Variants in NCKAP1L observed in about 807,000 individuals in gnomAD.
The protein encoded by NCKAP1L is nck-associated protein 1-like.
In NCKAP1L, 53 loss-of-function variants were observed where a neutral mutation model predicts 139.2. That is an observed-to-expected ratio of 0.38 (90% CI 0.31 to 0.48). NCKAP1L has a LOEUF of 0.48. Among genes scored for constraint, NCKAP1L ranks in the 20% least tolerant of loss-of-function variants. The probability of loss-of-function intolerance (pLI) is 0.98; values close to 1 mark genes in which losing one functional copy is unlikely to be tolerated. For synonymous variants in NCKAP1L, 468 were observed against 499.7 expected, an observed-to-expected ratio of 0.94 and a Z score of 0.85; for missense variants, 1,151 against 1,381.9, an observed-to-expected ratio of 0.83 and a Z score of 2.65.
rs1363236984 is a variant in NCKAP1L, at chr12:54,506,234, C to A, written c.307-1619C>A. On this transcript the variant is annotated intron_variant, in intron 3 of 30. Transcript: ENST00000293373. ...AGAGTTGTTCCATTTTATCTTCCCA[C>A]CAGTAATGTATGAGAGCTTCAGTTT... Among the ~76,000 whole-genome samples the A allele has an allele frequency of 5.3e-5, 8 of 152,084 alleles. No homozygotes were observed. The East Asian group carries it at 1.5e-3, about 29-fold the overall frequency.
At position 54,509,711 on chromosome 12, in the gene NCKAP1L, T is replaced by C; in HGVS notation, c.549T>C (p.Tyr183=). The C allele has an allele frequency of 6.2e-6, 10 of 1,614,220 alleles. No homozygotes were observed. Among genetic ancestry groups the C allele is most frequent in the Non-Finnish European group, 8.5e-6 (10 of 1,180,024 alleles). Residue 183 remains tyrosine (Y), a synonymous_variant, in exon 6 of 31, where the codon TAT becomes TAC. Transcript: ENST00000293373. ...GTCTGGGTCAGATGGTCTTGGAGTA[T>C]GACCACCCTCTGAAGAAGCTGACAG... ...FARLGQMVLE[Y]DHPLKKLTEE...
intron 21 of NCKAP1L, 47 bp from the exon 22 acceptor site, chr12:54,528,200 G>C (rs763518155): frequency 6.2e-7 from 1 of 1,600,028 alleles, no homozygotes; most frequent in Admixed American, 1.7e-5. Flanking sequence ...TGCTGGTAGG[G>C]AGAAGGGATT....
chr12:54,536,716 GAAA>G (rs5798307), intron 28 of NCKAP1L, among the ~76,000 whole-genome samples: 18 of 145,618 alleles, frequency 1.2e-4, no homozygotes, highest in Middle Eastern at 3.6e-3. Context: ...CCCCTACCCT[GAAA>G]AAAAAAAAAA....
rs538848833 is a variant in NCKAP1L at position 54,524,680 on chromosome 12, C to T, written c.2156+724C>T. 3.3e-5 allele frequency among the ~76,000 whole-genome samples: 5 copies of T among 152,108 alleles called. No homozygotes were observed. In the South Asian group the frequency reaches 8.3e-4, roughly 25 times the overall value. On this transcript the variant is annotated intron_variant, in intron 20 of 30. Coordinates refer to ENST00000293373, the MANE Select transcript of NCKAP1L (RefSeq NM_005337.5). ...TAAAAGCTGTTTATACAGCAATATA[C>T]GAAACAAATAAAAACCTCTGCCTCC... is the stretch of plus-strand genomic sequence containing the variant.
chr12:54,502,742 T>G (rs1956809109), intron 3 of NCKAP1L, among the ~76,000 whole-genome samples: 1 of 144,498 alleles, frequency 6.9e-6, no homozygotes, highest in Non-Finnish European at 1.5e-5. Flanking sequence ...ATCCCAACAC[T>G]TTGGGAGGCT....
intron 20 of NCKAP1L, among the ~76,000 whole-genome samples, chr12:54,525,967 C>T (rs1356946434): frequency 6.6e-6 from 1 of 152,044 alleles, no homozygotes; most frequent in African/African-American, 2.4e-5. Context: ...AGTTATTCTC[C>T]CCTCTCTAAT....
At chr12:54,531,880 G>T in intron 25 of NCKAP1L, 55 bp downstream of exon 25, 2 of 1,387,204 alleles carry the variant, frequency 1.4e-6, no homozygotes, top group East Asian at 2.3e-5. Flanking sequence ...TGTGGGTAGG[G>T]TTTGTATGAT....
chr12:54,535,739 G>C (rs980029259), intron 27 of NCKAP1L, among the ~76,000 whole-genome samples: 3 of 152,172 alleles, frequency 2.0e-5, no homozygotes, highest in Admixed American at 1.3e-4. Context: ...AAGGGGCTAG[G>C]ATTAAGGCCT....
chr12:54,526,670 C>A lies in NCKAP1L; in HGVS notation c.2299C>A (p.Arg767Ser), dbSNP rs376865577. ...FLGADASRVI[R>S]NALLQQTQPL... Reference sequence around the variant, plus strand: ...GGGTGCAGATGCTTCCAGAGTCATCCGCAACGCCCTCCTGCAGCAGACACA... The same window carrying A: ...GGGTGCAGATGCTTCCAGAGTCATCAGCAACGCCCTCCTGCAGCAGACACA... Residue 767 changes from arginine to serine, a missense_variant, in exon 21 of 31, where the codon CGC becomes AGC. Physicochemically the swap from Arg to Ser is moderately radical, Grantham distance 110. Coordinates refer to ENST00000293373, the MANE Select transcript of NCKAP1L (RefSeq NM_005337.5). 15 of 1,614,098 alleles carry A rather than the reference C, an allele frequency of 9.3e-6. No individual in the cohort carries two copies. Among genetic ancestry groups the A allele is most frequent in the Non-Finnish European group, 1.2e-5 (14 of 1,180,016 alleles).
intron 26 of NCKAP1L, among the ~76,000 whole-genome samples, chr12:54,534,515 G>C (rs1957098502): frequency 6.6e-6 from 1 of 152,202 alleles, no homozygotes; most frequent in African/African-American, 2.4e-5. Context: ...AACGTAAGGA[G>C]GGAAGAGCTG....
At chr12:54,515,244 A>G (rs752731370) in intron 9 of NCKAP1L, among the ~76,000 whole-genome samples, 4 of 152,190 alleles carry the variant, frequency 2.6e-5, no homozygotes, top group African/African-American at 4.8e-5. Flanking sequence ...TCCAACACCA[A>G]ACTTCTTTGA....
At chr12:54,525,143 T>A (rs1406047173) in intron 20 of NCKAP1L, among the ~76,000 whole-genome samples, 1 of 152,184 alleles carries the variant, frequency 6.6e-6, no homozygotes. Flanking sequence ...TGCGCTTATA[T>A]GTCATTGTAA....
At chr12:54,502,823 C>CAA (rs780466592) in intron 3 of NCKAP1L, among the ~76,000 whole-genome samples, 3,898 of 57,686 alleles carry the variant, frequency 0.068, 468 homozygotes, top group African/African-American at 0.17. Flanking sequence ...CCCATCTACA[C>CAA]AAAAAAAAAA....
At chr12:54,506,796 A>AAAAAAAAAAATATATATATATATAT in intron 3 of NCKAP1L, among the ~76,000 whole-genome samples, 1 of 50,608 alleles carries the variant, frequency 2.0e-5, no homozygotes, top group African/African-American at 1.1e-4. Flanking sequence ...AAAAAAAAAA[A>AAAAAAAAAAATATATATATATATAT]ATATATATAT....
Position 54,542,764 on chromosome 12 carries a change from A to AG in NCKAP1L, c.*84dup. 1 of 479,776 alleles carries AG rather than the reference A, an allele frequency of 2.1e-6. No individual in the cohort carries two copies. The highest frequency in any genetic ancestry group is 4.3e-6 in the Non-Finnish European group (1 of 235,068). 29.7% of individuals were successfully genotyped at this position (479,776 alleles called of 1,614,324 possible). On this transcript the variant is annotated 3_prime_UTR_variant, in exon 31 of 31. Transcript: ENST00000293373. Reference sequence around the variant, plus strand: ...TAGTGGAAGCTGTGGTCACTTTCGCAGGGGGTGGGAATGGGGTGGGGTCAC... The same window carrying AG: ...TAGTGGAAGCTGTGGTCACTTTCGCAGGGGGGTGGGAATGGGGTGGGGTCAC...
intron 3 of NCKAP1L, among the ~76,000 whole-genome samples, chr12:54,504,697 C>T (rs371664912): frequency 6.6e-6 from 1 of 152,164 alleles, no homozygotes; most frequent in African/African-American, 2.4e-5. Flanking sequence ...CACTTACAAA[C>T]TGTATGACTT....
intron 3 of NCKAP1L, among the ~76,000 whole-genome samples, chr12:54,502,620 A>G (rs1956807242): frequency 6.6e-6 from 1 of 152,048 alleles, no homozygotes; most frequent in South Asian, 2.1e-4. Flanking sequence ...ACCCAACCCT[A>G]ATATAATTAT....
chr12:54,532,006 T>C (rs1469309825), intron 25 of NCKAP1L, among the ~76,000 whole-genome samples, 164 bp from the exon 26 acceptor site: 3 of 151,804 alleles, frequency 2.0e-5, no homozygotes, highest in Non-Finnish European at 4.4e-5. Flanking sequence ...TAGGAATAAA[T>C]GAGCTTAGGA....
intron 3 of NCKAP1L, among the ~76,000 whole-genome samples, chr12:54,505,510 T>A (rs537127742): frequency 6.2e-4 from 94 of 151,538 alleles, no homozygotes; most frequent in African/African-American, 2.2e-3. Context: ...CAACCACTGA[T>A]CTACTTTCTA....
Sources: gnomAD v4.1 joint callset for allele counts (sites outside exome capture counted in the v4.1 genomes callset) on GRCh38, gnomAD v4.1.1 for gene constraint, MANE v1.5 for transcripts, NCBI Gene and HGNC (gene_info 2026-07-23, HGNC 2026-07-21) for gene names.